Variants in NAV3 observed in about 807,000 individuals in gnomAD.
The protein encoded by NAV3 is pore membrane and/or filament interacting like protein 1.
In NAV3, 87 loss-of-function variants were observed where a neutral mutation model predicts 244.7. The observed-to-expected ratio is 0.36, with a 90% CI of 0.30 to 0.42. NAV3 has a LOEUF of 0.42. Among genes scored for constraint, NAV3 ranks in the 20% least tolerant of loss-of-function variants. The probability of loss-of-function intolerance (pLI) is 1.00; values close to 1 mark genes in which losing one functional copy is unlikely to be tolerated. For missense variants in NAV3, 2,663 were observed against 2,893.3 expected (o/e 0.92, Z 1.83); for synonymous variants, 1,126 against 1,042.2 (o/e 1.08, Z -1.55).
chr12:78,011,556 A>G (rs2136661940), intron 8 of NAV3, among the ~76,000 whole-genome samples: 1 of 152,304 alleles, frequency 6.6e-6, no homozygotes, highest in African/African-American at 2.4e-5. Flanking sequence ...GTTTGTCACA[A>G]GGAGGTAAGA....
intron 19 of NAV3, among the ~76,000 whole-genome samples, chr12:78,139,420 C>A (rs1956510775): frequency 6.6e-6 from 1 of 152,234 alleles, no homozygotes. Context: ...TCTCTTTGAG[C>A]TTTTGGGATT....
intron 20 of NAV3, among the ~76,000 whole-genome samples, chr12:78,141,862 T>C (rs1470832801): frequency 6.6e-6 from 1 of 152,176 alleles, no homozygotes; most frequent in Non-Finnish European, 1.5e-5. Context: ...ATTTAAACCA[T>C]TGCCATTTAC....
At chr12:78,170,304 A>G (rs865910779) in intron 24 of NAV3, among the ~76,000 whole-genome samples, 1 of 151,714 alleles carries the variant, frequency 6.6e-6, no homozygotes, top group South Asian at 2.1e-4. Context: ...AGTATTCTTC[A>G]TAACTCCTCC....
chr12:77,904,907 G>T (rs1885794146), intron 1 of NAV3, among the ~76,000 whole-genome samples: 1 of 151,732 alleles, frequency 6.6e-6, no homozygotes, highest in African/African-American at 2.4e-5. Context: ...TTTCTGAAGT[G>T]CTGGTTGTAC....
chr12:77,636,116 A>G (rs1416975490), intron 2 of NAV3, among the ~76,000 whole-genome samples: 2 of 152,158 alleles, frequency 1.3e-5, no homozygotes, highest in Non-Finnish European at 2.9e-5. Flanking sequence ...GAGAAATGCA[A>G]ATCAAAACCA....
intron 2 of NAV3, among the ~76,000 whole-genome samples, chr12:77,666,208 G>T: frequency 7.2e-6 from 1 of 138,212 alleles, no homozygotes. Flanking sequence ...TGTCTAGTCA[G>T]GGGTCTCTCT....
intron 2 of NAV3, among the ~76,000 whole-genome samples, chr12:77,745,669 C>T (rs1868499126): frequency 6.6e-6 from 1 of 151,852 alleles, no homozygotes; most frequent in South Asian, 2.1e-4. Context: ...AGTAAGAGAG[C>T]TTGGGGTCAA....
intron 9 of NAV3, among the ~76,000 whole-genome samples, chr12:78,046,164 T>A (rs554107145): frequency 6.6e-6 from 1 of 152,344 alleles, no homozygotes; most frequent in African/African-American, 2.4e-5. Flanking sequence ...TCTATTTTGT[T>A]AATCTTTTCA....
intron 2 of NAV3, among the ~76,000 whole-genome samples, chr12:77,585,955 G>A (rs959974841): frequency 4.6e-5 from 7 of 152,240 alleles, no homozygotes. Context: ...GAGGTCAGGA[G>A]ATCGAGACCA....
At chr12:77,580,261 C>CAA (rs3220640) in intron 2 of NAV3, among the ~76,000 whole-genome samples, 1 of 142,040 alleles carries the variant, frequency 7.0e-6, no homozygotes, top group Admixed American at 7.0e-5. Context: ...CACACACACA[C>CAA]AAAGATGGAA....
chr12:78,137,499 G>T, intron 19 of NAV3, 134 bp downstream of exon 19: 2 of 880,266 alleles, frequency 2.3e-6, no homozygotes, highest in Non-Finnish European at 3.2e-6. Flanking sequence ...GAAACTAGAA[G>T]CTTGAAGAAG....
chr12:77,976,357 C>A (rs1221461052), intron 5 of NAV3, among the ~76,000 whole-genome samples: 1 of 152,066 alleles, frequency 6.6e-6, no homozygotes, highest in African/African-American at 2.4e-5. Context: ...TCACCAAAAT[C>A]TGTACATAGT....
In NAV3 at chr12:78,020,496, G is replaced by A. The variant is rs140064861; in HGVS notation, c.1908-1251G>A. Reference sequence around the variant, plus strand: ...CTGTCAGAAATTATTGGAGTCCAAGGCACAACTTTGTATAGGAAAGTTTCT... The same window carrying A: ...CTGTCAGAAATTATTGGAGTCCAAGACACAACTTTGTATAGGAAAGTTTCT... On this transcript the variant is annotated intron_variant, in intron 8 of 39. Transcript: ENST00000397909. Among the ~76,000 whole-genome samples, 21 of 152,132 alleles carry A rather than the reference G, an allele frequency of 1.4e-4. No homozygotes were observed. The East Asian group carries it at 3.9e-3, about 28-fold the overall frequency.
At chr12:77,861,995 G>A (rs930485141) in intron 1 of NAV3, among the ~76,000 whole-genome samples, 1 of 151,580 alleles carries the variant, frequency 6.6e-6, no homozygotes, top group African/African-American at 2.4e-5. Context: ...AAGTCAAGAA[G>A]GTATTCCACA....
intron 1 of NAV3, among the ~76,000 whole-genome samples, chr12:77,895,309 T>TTGTGTGTGTGTGTGTGTATG (rs1555224958): frequency 8.1e-5 from 12 of 148,572 alleles, no homozygotes; most frequent in African/African-American, 3.0e-4. Context: ...TTTAGAATGA[T>TTGTGTGTGTGTGTGTGTATG]TGTGTGTGTG....
At chr12:78,049,520 C>T (rs1410491699) in intron 9 of NAV3, among the ~76,000 whole-genome samples, 2 of 152,196 alleles carry the variant, frequency 1.3e-5, no homozygotes, top group Admixed American at 1.3e-4. Context: ...TGCTTCTGCT[C>T]ACCCTCTGTG....
chr12:78,047,790 C>G (rs1882081068), intron 9 of NAV3, among the ~76,000 whole-genome samples: 1 of 152,166 alleles, frequency 6.6e-6, no homozygotes, highest in Non-Finnish European at 1.5e-5. Context: ...TGGATAATAT[C>G]CTGAAGAGTG....
intron 1 of NAV3, among the ~76,000 whole-genome samples, chr12:77,895,537 T>G (rs1429720116): frequency 6.6e-6 from 1 of 152,112 alleles, no homozygotes; most frequent in Non-Finnish European, 1.5e-5. Context: ...TTTTTATTAT[T>G]TTTGCTTTGA....
intron 9 of NAV3, among the ~76,000 whole-genome samples, chr12:78,025,049 C>G (rs1268604138): frequency 2.0e-5 from 3 of 152,018 alleles, no homozygotes; most frequent in African/African-American, 2.4e-5. Flanking sequence ...TGTGATTTAT[C>G]TCCTTCTCTT....
Sources: allele counts gnomAD v4.1 joint callset (sites outside exome capture counted in the v4.1 genomes callset), GRCh38; gene constraint gnomAD v4.1.1; transcripts MANE v1.5; gene names NCBI Gene and HGNC (gene_info 2026-07-23, HGNC 2026-07-21).